Variants in STARD10 observed in about 807,000 individuals in gnomAD.
The protein encoded by STARD10 is StAR related lipid transfer domain containing 10.
A neutral mutation model predicts 36.0 loss-of-function variants in STARD10; 24 were observed. That is an observed-to-expected ratio of 0.67 (90% CI 0.48 to 0.94). STARD10 has a LOEUF of 0.94. Among genes scored for constraint, STARD10 ranks in the 40% least tolerant of loss-of-function variants. The pLI is 0.00. For missense variants in STARD10, 335 were observed against 396.6 expected, an observed-to-expected ratio of 0.84 and a Z score of 1.32; for synonymous variants, 156 against 161.9, an observed-to-expected ratio of 0.96 and a Z score of 0.28.
chr11:72,764,996 G>A (rs539356347), intron 2 of STARD10, among the ~76,000 whole-genome samples: 143 of 152,322 alleles, frequency 9.4e-4, no homozygotes, highest in Admixed American at 1.8e-3. Context: ...AGCCAGGTGC[G>A]GTGGCTCACT....
intron 2 of STARD10, among the ~76,000 whole-genome samples, chr11:72,779,608 G>A (rs1217341642): frequency 6.6e-6 from 1 of 152,028 alleles, no homozygotes; most frequent in Non-Finnish European, 1.5e-5. Context: ...AAAAGGATAG[G>A]AGACCTGTCC....
At chr11:72,773,435 G>A (rs749673287) in intron 2 of STARD10, among the ~76,000 whole-genome samples, 1 of 152,212 alleles carries the variant, frequency 6.6e-6, no homozygotes, top group Non-Finnish European at 1.5e-5. Context: ...CCAGGAGACA[G>A]CTGAGGAGAC....
At chr11:72,760,541 G>A (rs1359503707) in intron 2 of STARD10, among the ~76,000 whole-genome samples, 1 of 152,140 alleles carries the variant, frequency 6.6e-6, no homozygotes, top group Non-Finnish European at 1.5e-5. Context: ...TTCTTACTGT[G>A]TATTAGCCTT....
At chr11:72,783,245 A>T (rs568574292) in intron 1 of STARD10, among the ~76,000 whole-genome samples, 1 of 152,142 alleles carries the variant, frequency 6.6e-6, no homozygotes, top group Non-Finnish European at 1.5e-5. Context: ...ATGGCAAGTG[A>T]CCCTAAAGGG....
At chr11:72,792,378 T>C (rs1171683430) in intron 1 of STARD10, among the ~76,000 whole-genome samples, 1 of 152,018 alleles carries the variant, frequency 6.6e-6, no homozygotes, top group Non-Finnish European at 1.5e-5. Flanking sequence ...TTGAAGGATC[T>C]TGGATTTCTA....
chr11:72,792,143 G>A (rs1401493617), intron 1 of STARD10, among the ~76,000 whole-genome samples: 2 of 150,154 alleles, frequency 1.3e-5, no homozygotes, highest in East Asian at 2.0e-4. Flanking sequence ...TCCGTCTCCC[G>A]GGTTCACGCC....
chr11:72,758,777 C>T, intron 3 of STARD10, 144 bp from the exon 4 acceptor site: 2 of 626,362 alleles, frequency 3.2e-6, no homozygotes, highest in Non-Finnish European at 5.6e-6. Context: ...AGACCACAGT[C>T]CCACAGCTGG....
Position 72,754,779 on chromosome 11 carries a change from C to CGGTG in STARD10, c.*117_*118insCACC. 2 of 1,447,670 alleles carry CGGTG rather than the reference C, an allele frequency of 1.4e-6. No individual in the cohort carries two copies. Among genetic ancestry groups the CGGTG allele is most frequent in the Non-Finnish European group, 1.9e-6 (2 of 1,072,654 alleles). 89.7% of individuals were successfully genotyped at this position (1,447,670 alleles called of 1,614,324 possible). ...GCTCTGTCCAGCCAGGCTGCAGCAC[C>CGGTG]CGCCTGGGCCTGGCCCGGTGCCACC... On this transcript the variant is annotated 3_prime_UTR_variant, in exon 7 of 7. Coordinates refer to ENST00000334805, the MANE Select transcript of STARD10 (RefSeq NM_006645.3).
Position 72,754,931 on chromosome 11 carries a change from C to A in STARD10, c.842G>T (p.Gly281Val), listed in dbSNP as rs751656644. ...CGAGGTGTCGTCGTCGCTGCCCTCG[C>A]CGCCCGCGCCGCCCATCCGCTCCTC... Reference protein sequence around the residue: ...SREERMGGAGGEGSDDDTSLT With the variant: ...SREERMGGAGVEGSDDDTSLT The change falls in exon 7 of 7, where the codon GGC becomes GTC. Residue 281 changes from glycine to valine, a missense_variant. Transcript: ENST00000334805. 3 of 1,600,090 alleles carry A rather than the reference C, an allele frequency of 1.9e-6. No homozygotes were observed. The highest frequency in any genetic ancestry group is 3.4e-5 in the Admixed American group (2 of 59,548).
chr11:72,761,153 A>T (rs1443306100), intron 2 of STARD10, among the ~76,000 whole-genome samples: 7 of 152,222 alleles, frequency 4.6e-5, no homozygotes, highest in Non-Finnish European at 1.0e-4. Context: ...CAGAAAATAC[A>T]GAGGACAGAG....
chr11:72,762,407 T>C (rs992457414), intron 2 of STARD10, among the ~76,000 whole-genome samples: 4 of 152,138 alleles, frequency 2.6e-5, no homozygotes. Context: ...GGCCCCATTA[T>C]AGGATTAAGA....
At chr11:72,776,234 C>T (rs979996475) in intron 2 of STARD10, among the ~76,000 whole-genome samples, 1 of 152,184 alleles carries the variant, frequency 6.6e-6, no homozygotes, top group East Asian at 1.9e-4. Flanking sequence ...GGGCAGCCTC[C>T]CCTACGCTGG....
intron 2 of STARD10, 56 bp from the exon 3 acceptor site, chr11:72,759,437 G>C: frequency 6.2e-7 from 1 of 1,603,726 alleles, no homozygotes; most frequent in Non-Finnish European, 8.5e-7. Context: ...GCCTTGGCCA[G>C]GGGACCAGAA....
At chr11:72,779,421 A>C (rs1858964695) in intron 2 of STARD10, among the ~76,000 whole-genome samples, 1 of 152,104 alleles carries the variant, frequency 6.6e-6, no homozygotes, top group Admixed American at 6.6e-5. Flanking sequence ...GTGAAACCCT[A>C]TCTCTACTAC....
intron 2 of STARD10, among the ~76,000 whole-genome samples, chr11:72,778,189 C>T (rs775332782): frequency 2.0e-5 from 3 of 152,210 alleles, no homozygotes; most frequent in Non-Finnish European, 4.4e-5. Flanking sequence ...GACTAAGATG[C>T]GAGCCCATGT....
intron 2 of STARD10, among the ~76,000 whole-genome samples, chr11:72,767,260 G>A (rs1175682093): frequency 6.6e-6 from 1 of 152,102 alleles, no homozygotes; most frequent in East Asian, 1.9e-4. Flanking sequence ...AAGGAGACAG[G>A]GGCACCTGGA....
chr11:72,777,190 G>C (rs981552620), intron 2 of STARD10, among the ~76,000 whole-genome samples: 10 of 152,268 alleles, frequency 6.6e-5, no homozygotes, highest in Admixed American at 5.2e-4. Context: ...GAGATACGCA[G>C]GTCTCCCCTG....
chr11:72,786,457 G>A (rs1859073172), intron 1 of STARD10, among the ~76,000 whole-genome samples: 1 of 152,210 alleles, frequency 6.6e-6, no homozygotes. Flanking sequence ...GGCGATAGGT[G>A]TTCCATCCCA....
chr11:72,760,819 A>ATT (rs35049596), intron 2 of STARD10, among the ~76,000 whole-genome samples: 4 of 146,148 alleles, frequency 2.7e-5, no homozygotes, highest in South Asian at 2.2e-4. Context: ...TTGTTCTGTG[A>ATT]TTTTTTTTTT....
Sources: allele counts gnomAD v4.1 joint callset (sites outside exome capture counted in the v4.1 genomes callset), GRCh38; gene constraint gnomAD v4.1.1; transcripts MANE v1.5; gene names NCBI Gene and HGNC (gene_info 2026-07-23, HGNC 2026-07-21).